Variants in IFRD2 observed in about 807,000 individuals in gnomAD.
IFRD2 encodes the protein interferon-related developmental regulator 2.
A neutral mutation model predicts 49.2 loss-of-function variants in IFRD2; 35 were observed. The observed-to-expected ratio is 0.71, with a 90% confidence interval of 0.54 to 0.94. The LOEUF is 0.94. Ranked by LOEUF, IFRD2 falls within the 40% of genes least tolerant of loss-of-function variation. The pLI is 0.00. For synonymous variants in IFRD2, 275 were observed against 239.7 expected (o/e 1.15, Z -1.36); for missense variants, 561 against 591.6 (o/e 0.95, Z 0.54).
Position 50,292,307 on chromosome 3 carries a change from G to T in IFRD2, c.-33C>A. 1 of 1,562,822 alleles carries T rather than the reference G, an allele frequency of 6.4e-7. No individual in the cohort carries two copies. On this transcript the variant is annotated 5_prime_UTR_variant, in exon 1 of 12. The change creates a new upstream start codon in the 5' untranslated region. Coordinates refer to ENST00000417626, the MANE Select transcript of IFRD2 (RefSeq NM_006764.5). The stretch of plus-strand genomic sequence containing the variant: ...ACCGGGCGCGGGGGGCGCGGGGTCA[G>T]GGACCCGGTGGGTGTGGGCTCCAGG...
In IFRD2 at chr3:50,288,943, A is replaced by G. The variant is rs200177371; in HGVS notation, c.886-6T>C. ...TCCTCGTAAACAAACTCCTCCTGCA[A>G]TGGGAGCATTGGAGGGTGTGTGGTA... On this transcript the variant is annotated splice_region_variant and splice_polypyrimidine_tract_variant and intron_variant, in intron 8 of 11. Transcript: ENST00000417626. 9 of 1,611,564 alleles carry G rather than the reference A, an allele frequency of 5.6e-6. No individual in the cohort carries two copies. Among genetic ancestry groups the G allele is most frequent in the Middle Eastern group, 1.7e-4 (1 of 6,056 alleles).
chr3:50,289,800 G>C, intron 5 of IFRD2, 38 bp from the exon 6 acceptor site: 2 of 1,588,252 alleles, frequency 1.3e-6, no homozygotes, highest in South Asian at 2.3e-5. Context: ...ACGGTCAGCG[G>C]GTGAACCTGG....
At position 50,292,337 on chromosome 3, in the gene IFRD2, C is replaced by T; in HGVS notation, c.-63G>A. ...CCGGTGGGTGTGGGCTCCAGGCCAA[C>T]GAGACGCCGGCCGGTGCGCTGCGCT... On this transcript the variant is annotated 5_prime_UTR_variant, in exon 1 of 12. Coordinates refer to ENST00000417626, the MANE Select transcript of IFRD2 (RefSeq NM_006764.5). 2 of 1,565,566 alleles carry T rather than the reference C, an allele frequency of 1.3e-6. No individual in the cohort carries two copies. The highest frequency in any genetic ancestry group is 8.6e-7 in the Non-Finnish European group (1 of 1,158,598).
chr3:50,289,034 T>C (rs1380603009), intron 8 of IFRD2, 97 bp from the exon 9 acceptor site: 2 of 1,494,896 alleles, frequency 1.3e-6, no homozygotes, highest in Non-Finnish European at 1.8e-6. Context: ...TGAGAGACCC[T>C]CTCTTCTCTG....
In IFRD2 at chr3:50,287,735, A is replaced by G. The variant is rs1701582514; in HGVS notation, c.*456T>C. ...AGAACAGAAAAATACCCAGGGGTTAAGACCACAGAAGGCTGACCGTTCTGT... is the reference window on the plus strand; with the variant it reads ...AGAACAGAAAAATACCCAGGGGTTAGGACCACAGAAGGCTGACCGTTCTGT... On this transcript the variant is annotated 3_prime_UTR_variant, in exon 12 of 12. Transcript: ENST00000417626. 4.7e-6 allele frequency: 1 copy of G among 214,594 alleles called. No homozygotes were observed. 13.3% of individuals were successfully genotyped at this position (214,594 alleles called of 1,614,324 possible).
chr3:50,291,007 C>T (rs1273765423), intron 1 of IFRD2, among the ~76,000 whole-genome samples: 2 of 94,402 alleles, frequency 2.1e-5, no homozygotes, highest in African/African-American at 8.0e-5. Flanking sequence ...TCCCCGCCAC[C>T]TTTTTTTTTT....
At chr3:50,292,120 G>A in intron 1 of IFRD2, 97 bp downstream of exon 1, 1 of 1,289,816 alleles carries the variant, frequency 7.8e-7, no homozygotes, top group Admixed American at 3.1e-5. Flanking sequence ...TGGCCGAGGG[G>A]GTTCCCCACC....
chr3:50,290,763 A>G, intron 1 of IFRD2, 84 bp from the exon 2 acceptor site: 1 of 1,526,790 alleles, frequency 6.5e-7, no homozygotes, highest in South Asian at 1.2e-5. Context: ...CATAATCCCA[A>G]AAGATAGAAT....
At position 50,288,889 on chromosome 3, in the gene IFRD2, T is replaced by C. The variant is rs34377144; in HGVS notation, c.934A>G (p.Thr312Ala). The C allele has an allele frequency of 1.3e-3, 2,135 of 1,613,296 alleles. 19 individuals are homozygous for C. The African/African-American group carries it at 0.024, about 18-fold the overall frequency. Residue 312 changes from threonine to alanine, a missense_variant, in exon 9 of 12, where the codon ACT (threonine) becomes GCT (alanine). By Grantham distance (58) the Thr-to-Ala change is moderately conservative. Transcript: ENST00000417626. ...TACTTGTTACTGTCAGTGGCCAGAG[T>C]GCGCAGGACACTGCAGAGGGCCTCC... ...DMEALCSVLR[T>A]LATDSNKYRA...
At position 50,290,004 on chromosome 3, in the gene IFRD2, C is replaced by A; in HGVS notation, c.471G>T (p.Glu157Asp). The A allele has an allele frequency of 6.2e-7, 1 of 1,613,192 alleles. No individual in the cohort carries two copies. Among genetic ancestry groups the A allele is most frequent in the Non-Finnish European group, 8.5e-7 (1 of 1,179,632 alleles). The change falls in exon 5 of 12, where the codon GAG becomes GAT. Residue 157 changes from glutamate (E) to aspartate (D), a missense_variant. Coordinates refer to ENST00000417626, the MANE Select transcript of IFRD2 (RefSeq NM_006764.5). ...VQLGPGPKGE[E>D]LFHSLQPLLV... ...GCAGAGGCTGCAGGCTGTGAAACAG[C>A]TCCTCACCCTTAGGTCCAGGGCCCA...
Position 50,288,470 on chromosome 3 carries a change from C to A in IFRD2, c.1187G>T (p.Gly396Val), listed in dbSNP as rs782342919. 6.2e-7 allele frequency: 1 copy of A among 1,613,870 alleles called. No individual in the cohort carries two copies. Among genetic ancestry groups the A allele is most frequent in the Non-Finnish European group, 8.5e-7 (1 of 1,179,846 alleles). ...AGTGGCATCCAGCAACAGCACAGGG[C>A]CCAGGCCAAAGATGTCACGGAGTAG... is the stretch of plus-strand genomic sequence containing the variant. ...NELLRDIFGL[G>V]PVLLLDATAL... The change falls in exon 11 of 12, where the codon GGC (glycine) becomes GTC (valine). Residue 396 changes from glycine to valine, a missense_variant. Transcript: ENST00000417626.
chr3:50,289,237 C>G lies in IFRD2; in HGVS notation c.885+18G>C, dbSNP rs1005608719. 1.3e-6 allele frequency: 2 copies of G among 1,552,682 alleles called. No homozygotes were observed. The highest frequency in any genetic ancestry group is 1.4e-5 in the African/African-American group (1 of 73,362). ...GCAGGTGGTGTCACCAAGCACCCCCCATCCTTGTCCCTCGCACCTCAAGGT... is the reference window on the plus strand; with the variant it reads ...GCAGGTGGTGTCACCAAGCACCCCCGATCCTTGTCCCTCGCACCTCAAGGT... On this transcript the variant is annotated intron_variant, in intron 8 of 11. Coordinates refer to ENST00000417626, the MANE Select transcript of IFRD2 (RefSeq NM_006764.5).
At position 50,288,418 on chromosome 3, in the gene IFRD2, G is replaced by T. The variant is rs1575489558; in HGVS notation, c.1239C>A (p.Arg413=). 6.2e-7 allele frequency: 1 copy of T among 1,612,980 alleles called. No individual in the cohort carries two copies. The highest frequency in any genetic ancestry group is 2.2e-5 in the East Asian group (1 of 44,860). ...GCCCAAGGGTGCAAACCTTCTCAAA[G>T]CGTGGAACCTTGCAGGCCTTCAGGG... ...ATALKACKVP[R]FEKHLYNAAA... Residue 413 remains arginine (R), a synonymous_variant, in exon 11 of 12, where the codon CGC becomes CGA. Transcript: ENST00000417626.
chr3:50,288,768 C>G (rs1227406929), intron 9 of IFRD2, 32 bp downstream of exon 9: 5 of 1,612,056 alleles, frequency 3.1e-6, no homozygotes, highest in South Asian at 2.2e-5. Flanking sequence ...GGGGGTGCAC[C>G]CTTGCTAGGA....
At position 50,287,974 on chromosome 3, in the gene IFRD2, G is replaced by GAGAC; in HGVS notation, c.*213_*216dup. On this transcript the variant is annotated 3_prime_UTR_variant, in exon 12 of 12. Transcript: ENST00000417626. ...GGAAGGCACATATTTAGCCTGGCCT[G>GAGAC]AGACAGGACAGGAAGGGGCCACAGG... 4 of 568,020 alleles carry GAGAC rather than the reference G, an allele frequency of 7.0e-6. No individual in the cohort carries two copies. The highest frequency in any genetic ancestry group is 1.3e-5 in the Non-Finnish European group (4 of 315,732). 35.2% of individuals were successfully genotyped at this position (568,020 alleles called of 1,614,324 possible). A position where few individuals can be genotyped will look rare whatever the true frequency, so the allele number is the denominator to read the frequency against.
At position 50,288,443 on chromosome 3, in the gene IFRD2, G is replaced by A. The variant is rs1553708969; in HGVS notation, c.1214C>T (p.Ala405Val). Residue 405 changes from alanine (A) to valine (V), a missense_variant, in exon 11 of 12, where the codon GCC becomes GTC. By Grantham distance (64) the Ala-to-Val change is moderately conservative (BLOSUM62 0). Transcript: ENST00000417626. ...LGPVLLLDAT[A>V]LKACKVPRFE... ...GCGTGGAACCTTGCAGGCCTTCAGG[G>A]CAGTGGCATCCAGCAACAGCACAGG... 1 of 1,613,646 alleles carries A rather than the reference G, an allele frequency of 6.2e-7. No homozygotes were observed. Among genetic ancestry groups the A allele is most frequent in the Admixed American group, 1.7e-5 (1 of 59,950 alleles).
In IFRD2 at chr3:50,290,659, C is replaced by T. The variant is rs782296991; in HGVS notation, c.79G>A (p.Ala27Thr). Residue 27 changes from alanine (A) to threonine (T), a missense_variant, in exon 2 of 12, where the codon GCT becomes ACT. By Grantham distance (58) the Ala-to-Thr change is moderately conservative. Coordinates refer to ENST00000417626, the MANE Select transcript of IFRD2 (RefSeq NM_006764.5). ...TCATCGTCACTGGAACCCGAGTCAG[C>T]TTGGGCACTGCTCCGGGCACCTGGA... ...RGGGARSSAQADSGSSDDEAA... is the reference protein window; with the variant it reads ...RGGGARSSAQTDSGSSDDEAA... 6.2e-7 allele frequency: 1 copy of T among 1,613,864 alleles called. No individual in the cohort carries two copies. The highest frequency in any genetic ancestry group is 1.1e-5 in the South Asian group (1 of 91,018).
chr3:50,288,655 G>T lies in IFRD2; in HGVS notation c.1080C>A (p.Asp360Glu), dbSNP rs1256792977. Residue 360 changes from aspartate (D) to glutamate (E), a missense_variant, in exon 10 of 12, where the codon GAC becomes GAA. Asp to Glu is a conservative substitution (Grantham distance 45). Coordinates refer to ENST00000417626, the MANE Select transcript of IFRD2 (RefSeq NM_006764.5). ...CGTAGATCCGGTGCCGAGCCCAGCT[G>T]TCCATGTAGAGCACCTCAAAGCCGA... ...VRFGFEVLYM[D>E]SWARHRIYAA... The T allele has an allele frequency of 7.4e-6, 12 of 1,613,096 alleles. No individual in the cohort carries two copies. The Middle Eastern group carries it at 6.6e-4, about 88-fold the overall frequency.
rs900479147 is a variant in IFRD2 at position 50,292,057 on chromosome 3, G to A, written c.58+160C>T. On this transcript the variant is annotated intron_variant, in intron 1 of 11. Transcript: ENST00000417626. The stretch of plus-strand genomic sequence containing the variant: ...CAAGTTGGGCACGCACGTGGCCAAT[G>A]ACTGCTGGGGCACGTGCCAGCCTCG... 9.1e-6 allele frequency: 7 copies of A among 766,534 alleles called. 1 individual carries two copies. In the South Asian group the frequency reaches 1.4e-4, roughly 15 times the overall value. 47.5% of individuals were successfully genotyped at this position (766,534 alleles called of 1,614,324 possible).
Sources: gnomAD v4.1 joint callset for allele counts (sites outside exome capture counted in the v4.1 genomes callset) on GRCh38, gnomAD v4.1.1 for gene constraint, MANE v1.5 for transcripts, NCBI Gene and HGNC (gene_info 2026-07-23, HGNC 2026-07-21) for gene names.